Variants in KCNQ3 observed in about 807,000 individuals in gnomAD.
KCNQ3 encodes the protein potassium voltage-gated channel subfamily Q member 3.
A neutral mutation model predicts 92.5 loss-of-function variants in KCNQ3; 30 were observed. That is an observed-to-expected ratio of 0.32 (90% confidence interval 0.24 to 0.44). The LOEUF is 0.44. KCNQ3 is among the 20% of genes least tolerant of loss of function. The pLI is 1.00. For synonymous variants in KCNQ3, 450 were observed against 468.8 expected, an observed-to-expected ratio of 0.96 and a Z score of 0.52; for missense variants, 913 against 1,140.3, an observed-to-expected ratio of 0.80 and a Z score of 2.87.
intron 1 of KCNQ3, among the ~76,000 whole-genome samples, chr8:132,352,775 A>T (rs1012263534): frequency 4.6e-5 from 7 of 152,134 alleles, no homozygotes; most frequent in African/African-American, 1.7e-4. Flanking sequence ...AGCTGATTTC[A>T]TGAGTTTTTG....
intron 1 of KCNQ3, among the ~76,000 whole-genome samples, chr8:132,418,573 A>T: frequency 6.6e-6 from 1 of 152,138 alleles, no homozygotes; most frequent in Admixed American, 6.5e-5. Flanking sequence ...ATCACTTGAG[A>T]CCAGGAGTTC....
chr8:132,403,021 A>AC (rs1448333862), intron 1 of KCNQ3, among the ~76,000 whole-genome samples: 29 of 149,200 alleles, frequency 1.9e-4, no homozygotes, highest in African/African-American at 6.2e-4. Flanking sequence ...CATCACAAAA[A>AC]AAAAAAAAAA....
chr8:132,259,423 AG>A (rs1468592783), intron 1 of KCNQ3, among the ~76,000 whole-genome samples: 1 of 152,174 alleles, frequency 6.6e-6, no homozygotes, highest in Non-Finnish European at 1.5e-5. Flanking sequence ...TTCAATAAAT[AG>A]AAAAAGCACT....
At chr8:132,236,299 GT>G (rs1263891469) in intron 1 of KCNQ3, among the ~76,000 whole-genome samples, 1 of 152,118 alleles carries the variant, frequency 6.6e-6, no homozygotes, top group Non-Finnish European at 1.5e-5. Flanking sequence ...AGGAACAATT[GT>G]TTTCCAACAA....
intron 1 of KCNQ3, among the ~76,000 whole-genome samples, chr8:132,382,583 C>T (rs28568493): frequency 0.023 from 3,485 of 152,266 alleles, 66 homozygotes; most frequent in Middle Eastern, 0.061. Flanking sequence ...CAGACTAAGA[C>T]AAATACTGTA....
chr8:132,283,161 C>T lies in KCNQ3; in HGVS notation c.387-96980G>A, dbSNP rs80107316. ...TATAGAAATTCTTGTTGAGTATCTG[C>T]TCCATTGCTCCTAAATATCTCATCA... On this transcript the variant is annotated intron_variant, in intron 1 of 14. Coordinates refer to ENST00000388996, the MANE Select transcript of KCNQ3 (RefSeq NM_004519.4). Among the ~76,000 whole-genome samples the T allele has an allele frequency of 2.4e-3, 365 of 149,962 alleles. 3 individuals are homozygous for T. The highest frequency in any genetic ancestry group is 8.9e-3 in the African/African-American group (353 of 39,648).
rs560738268 is a variant in KCNQ3, at chr8:132,123,561, A to G, written c.*5701T>C. On this transcript the variant is annotated 3_prime_UTR_variant, in exon 15 of 15. Coordinates refer to ENST00000388996, the MANE Select transcript of KCNQ3 (RefSeq NM_004519.4). ...TTTTCATGTTCTGGGCTCAATCGTG[A>G]TGCTTTGATTTCACTTGGTATTTTA... 1 of 152,268 alleles carries G rather than the reference A, an allele frequency of 6.6e-6. No individual in the cohort carries two copies. Among genetic ancestry groups the G allele is most frequent in the South Asian group, 2.1e-4 (1 of 4,824 alleles). 9.4% of individuals were successfully genotyped at this position (152,268 alleles called of 1,614,324 possible).
chr8:132,457,402 C>T (rs1821966613), intron 1 of KCNQ3, among the ~76,000 whole-genome samples: 1 of 152,210 alleles, frequency 6.6e-6, no homozygotes, highest in Non-Finnish European at 1.5e-5. Flanking sequence ...CCTCCAGCTT[C>T]ATCTCTTGTT....
intron 1 of KCNQ3, among the ~76,000 whole-genome samples, chr8:132,328,440 T>C (rs1249961822): frequency 6.6e-6 from 1 of 152,158 alleles, no homozygotes; most frequent in East Asian, 1.9e-4. Context: ...GAGGTGGCTA[T>C]AGGTGTGTGC....
intron 12 of KCNQ3, 148 bp downstream of exon 12, chr8:132,137,737 G>T: frequency 2.0e-6 from 2 of 988,830 alleles, no homozygotes; most frequent in Non-Finnish European, 3.1e-6. Context: ...TGCTTTGTTG[G>T]CCTAGACATC....
At chr8:132,460,854 C>T (rs1444697345) in intron 1 of KCNQ3, among the ~76,000 whole-genome samples, 1 of 152,170 alleles carries the variant, frequency 6.6e-6, no homozygotes, top group Non-Finnish European at 1.5e-5. Context: ...ATTTCACCAC[C>T]CTAAAATATC....
chr8:132,280,511 C>T (rs972498477), intron 1 of KCNQ3, among the ~76,000 whole-genome samples: 6 of 152,254 alleles, frequency 3.9e-5, no homozygotes, highest in South Asian at 2.1e-4. Flanking sequence ...CTCACTATAG[C>T]GGGAACAGCA....
chr8:132,264,803 G>A (rs1441286108), intron 1 of KCNQ3, among the ~76,000 whole-genome samples: 1 of 152,204 alleles, frequency 6.6e-6, no homozygotes, highest in East Asian at 1.9e-4. Context: ...ATAACTTACA[G>A]GGTTTTTGTG....
At position 132,125,788 on chromosome 8, in the gene KCNQ3, G is replaced by A. The variant is rs1824645684; in HGVS notation, c.*3474C>T. 2.0e-5 allele frequency: 3 copies of A among 152,032 alleles called. No homozygotes were observed. In the South Asian group the frequency reaches 6.2e-4, roughly 32 times the overall value. The allele number at this position is 152,032 out of a possible 1,614,324, so 9.4% of individuals were successfully genotyped here. On this transcript the variant is annotated 3_prime_UTR_variant, in exon 15 of 15. Coordinates refer to ENST00000388996, the MANE Select transcript of KCNQ3 (RefSeq NM_004519.4). The stretch of plus-strand genomic sequence containing the variant: ...CTAGTTATGTTTTCATGAAAACTAG[G>A]GCTTTGTAATATCAATGTCATGTCT...
At chr8:132,152,927 G>A (rs1825683412) in intron 9 of KCNQ3, among the ~76,000 whole-genome samples, 1 of 152,214 alleles carries the variant, frequency 6.6e-6, no homozygotes, top group Admixed American at 6.5e-5. Context: ...ATCAGGCCAA[G>A]TATAAGACTA....
intron 1 of KCNQ3, among the ~76,000 whole-genome samples, chr8:132,259,071 C>A (rs1241011937): frequency 6.6e-6 from 1 of 151,880 alleles, no homozygotes; most frequent in Non-Finnish European, 1.5e-5. Context: ...TGATTTCTAC[C>A]AAACATTAAA....
chr8:132,392,139 G>GTT (rs1326959887), intron 1 of KCNQ3, among the ~76,000 whole-genome samples: 2 of 152,120 alleles, frequency 1.3e-5, no homozygotes, highest in African/African-American at 2.4e-5. Context: ...TGGTTACGAC[G>GTT]TAATTCCTCT....
At chr8:132,152,954 C>A (rs1246232523) in intron 9 of KCNQ3, among the ~76,000 whole-genome samples, 1 of 152,318 alleles carries the variant, frequency 6.6e-6, no homozygotes, top group Non-Finnish European at 1.5e-5. Context: ...ATTTTGCAAA[C>A]AACTCTATCC....
At position 132,474,220 on chromosome 8, in the gene KCNQ3, C is replaced by T. The variant is rs1247912401; in HGVS notation, c.386+5927G>A. 2.0e-5 allele frequency among the ~76,000 whole-genome samples: 3 copies of T among 152,200 alleles called. No homozygotes were observed. The East Asian group carries it at 5.8e-4, about 29-fold the overall frequency. On this transcript the variant is annotated intron_variant, in intron 1 of 14. Transcript: ENST00000388996. Reference sequence around the variant, plus strand: ...TAAGGAGATCCCTATTCAGAATTAACTAATGTATACTGAGTGCCTAGTGTT... The same window carrying T: ...TAAGGAGATCCCTATTCAGAATTAATTAATGTATACTGAGTGCCTAGTGTT...
Sources: gnomAD v4.1 joint callset for allele counts (sites outside exome capture counted in the v4.1 genomes callset) on GRCh38, gnomAD v4.1.1 for gene constraint, MANE v1.5 for transcripts, NCBI Gene and HGNC (gene_info 2026-07-23, HGNC 2026-07-21) for gene names.